The following CLCN7 variants were observed in gnomAD, a reference collection of about 807,000 sequenced individuals.
The protein encoded by CLCN7 is Cl-/H+ antiporter 7.
In CLCN7, 60 loss-of-function variants were observed where a neutral mutation model predicts 102.1. The observed-to-expected ratio is 0.59, with a 90% CI of 0.48 to 0.73. CLCN7 has a LOEUF of 0.73. Ranked by LOEUF, CLCN7 falls within the 30% of genes least tolerant of loss-of-function variation. The probability of loss-of-function intolerance (pLI) is 0.00; values close to 1 mark genes in which losing one functional copy is unlikely to be tolerated. For synonymous variants in CLCN7, 560 were observed against 490.5 expected, an observed-to-expected ratio of 1.14 and a Z score of -1.87; for missense variants, 962 against 1,125.7, an observed-to-expected ratio of 0.85 and a Z score of 2.08.
intron 2 of CLCN7, among the ~76,000 whole-genome samples, chr16:1,462,654 T>C (rs1387357296): frequency 2.0e-5 from 1 of 50,340 alleles, no homozygotes; most frequent in African/African-American, 1.4e-4. Flanking sequence ...CCCCAACTCT[T>C]AAAAAAAAGC....
intron 14 of CLCN7, 86 bp downstream of exon 14, chr16:1,453,748 T>G: frequency 4.7e-6 from 6 of 1,267,478 alleles, no homozygotes; most frequent in South Asian, 2.4e-5. Context: ...GGCCTAGGAG[T>G]GTAAACCCCA....
chr16:1,447,832 C>T (rs1225959927), intron 21 of CLCN7, 118 bp from the exon 22 acceptor site: 51 of 1,159,624 alleles, frequency 4.4e-5, no homozygotes, highest in Non-Finnish European at 5.8e-5. Context: ...GGGCATGGGC[C>T]CCGTGTCGGT....
Position 1,450,653 on chromosome 16 carries a change from G to T in CLCN7, c.1461C>A (p.Pro487=). 1 of 1,610,946 alleles carries T rather than the reference G, an allele frequency of 6.2e-7. No homozygotes were observed. Among genetic ancestry groups the T allele is most frequent in the African/African-American group, 1.3e-5 (1 of 74,996 alleles). Residue 487 remains proline (P), a synonymous_variant, in exon 17 of 25, where the codon CCC becomes CCA. Transcript: ENST00000382745. ...LFHDPPGSYN[P]LTLGLFTLVY... ...CCAGCGTGAACAGGCCGAGGGTCAG[G>T]GGGTTGTAGGAGCCTAGGAGAGAAG...
At chr16:1,458,805 A>T (rs2038879161) in intron 7 of CLCN7, among the ~76,000 whole-genome samples, 1 of 152,256 alleles carries the variant, frequency 6.6e-6, no homozygotes, top group African/African-American at 2.4e-5. Flanking sequence ...ACGGTGAATC[A>T]GTCACCACCA....
At position 1,454,568 on chromosome 16, in the gene CLCN7, G is replaced by A. The variant is rs1023719008; in HGVS notation, c.1099-103C>T. On this transcript the variant is annotated intron_variant, in intron 12 of 24. Transcript: ENST00000382745. ...CCATCTTAAGAGAGCTGTCCCCACA[G>A]AGAGCCTTCCCGCCCTTCCACGCAG... 6 of 1,144,794 alleles carry A rather than the reference G, an allele frequency of 5.2e-6. No homozygotes were observed. The African/African-American group carries it at 7.6e-5, about 15-fold the overall frequency. 70.9% of individuals were successfully genotyped at this position (1,144,794 alleles called of 1,614,324 possible).
At chr16:1,464,994 G>C (rs2038985372) in intron 2 of CLCN7, among the ~76,000 whole-genome samples, 1 of 151,904 alleles carries the variant, frequency 6.6e-6, no homozygotes, top group Admixed American at 6.5e-5. Flanking sequence ...TCCTTGCCCT[G>C]TCCCAAAGCC....
intron 11 of CLCN7, 47 bp downstream of exon 11, chr16:1,455,684 G>C (rs1249439616): frequency 6.3e-7 from 1 of 1,592,288 alleles, no homozygotes; most frequent in South Asian, 1.1e-5. Context: ...GGAAATGAGA[G>C]CGCAGCATGC....
intron 21 of CLCN7, 42 bp from the exon 22 acceptor site, chr16:1,447,756 G>A (rs1596210934): frequency 6.5e-7 from 1 of 1,542,818 alleles, no homozygotes; most frequent in Non-Finnish European, 8.8e-7. Context: ...GCCCGAGGGT[G>A]GGAGGCTGCG....
chr16:1,453,101 A>G (rs931704983), intron 14 of CLCN7, among the ~76,000 whole-genome samples: 2 of 152,090 alleles, frequency 1.3e-5, no homozygotes, highest in African/African-American at 4.8e-5. Context: ...TCCACCTCCC[A>G]GGTTCAAGCA....
At chr16:1,452,669 C>T (rs1225725939) in intron 15 of CLCN7, 86 bp downstream of exon 15, 1 of 1,429,054 alleles carries the variant, frequency 7.0e-7, no homozygotes, top group Non-Finnish European at 9.5e-7. Flanking sequence ...GGTGGGCAGC[C>T]CTCCTCCCGT....
At chr16:1,451,558 T>C in intron 16 of CLCN7, 65 bp downstream of exon 16, 4 of 1,429,116 alleles carry the variant, frequency 2.8e-6, no homozygotes, top group Non-Finnish European at 3.9e-6. Context: ...CAGGGGACAC[T>C]CAGCCAGAAG....
intron 1 of CLCN7, among the ~76,000 whole-genome samples, chr16:1,465,831 G>C (rs1385220488): frequency 6.6e-6 from 1 of 152,162 alleles, no homozygotes; most frequent in Non-Finnish European, 1.5e-5. Context: ...ACGCCCAGCT[G>C]TCAGGCAGAG....
intron 1 of CLCN7, 44 bp from the exon 2 acceptor site, chr16:1,465,382 G>C: frequency 6.5e-7 from 1 of 1,539,676 alleles, no homozygotes; most frequent in Non-Finnish European, 8.9e-7. Flanking sequence ...GGCGTCGCAC[G>C]CTCTGCTCCG....
At chr16:1,453,575 C>T (rs978837350) in intron 14 of CLCN7, among the ~76,000 whole-genome samples, 6 of 152,340 alleles carry the variant, frequency 3.9e-5, no homozygotes, top group East Asian at 1.9e-4. Flanking sequence ...CCCGATCCCA[C>T]GCAGGGCCTC....
At chr16:1,448,629 A>G (rs907822473) in intron 20 of CLCN7, 52 bp downstream of exon 20, 2 of 1,607,842 alleles carry the variant, frequency 1.2e-6, no homozygotes, top group African/African-American at 1.3e-5. Flanking sequence ...CCCCTGTGCA[A>G]CAAGAGGCCG....
At chr16:1,472,151 A>G (rs76020130) in intron 1 of CLCN7, among the ~76,000 whole-genome samples, 1 of 152,258 alleles carries the variant, frequency 6.6e-6, no homozygotes, top group Non-Finnish European at 1.5e-5. Flanking sequence ...ACGATAAACT[A>G]TTTTTTAAAT....
At chr16:1,447,114 C>T (rs1360873881) in intron 23 of CLCN7, 28 bp from the exon 24 acceptor site, 3 of 1,572,620 alleles carry the variant, frequency 1.9e-6, no homozygotes, top group Admixed American at 1.8e-5. Context: ...CTGTCAGTGC[C>T]CGCCCACACA....
chr16:1,456,467 C>A (rs768457601), intron 9 of CLCN7, among the ~76,000 whole-genome samples: 1 of 152,222 alleles, frequency 6.6e-6, no homozygotes, highest in East Asian at 1.9e-4. Flanking sequence ...ATTCCAAAAA[C>A]CTCTACCCTC....
rs753172781 is a variant in CLCN7, at chr16:1,449,058, T to C, written c.1705A>G (p.Ile569Val). 3.0e-5 allele frequency: 49 copies of C among 1,612,736 alleles called. No homozygotes were observed. The highest frequency in any genetic ancestry group is 5.0e-5 in the Admixed American group (3 of 60,004). Residue 569 changes from isoleucine to valine, a missense_variant, in exon 19 of 25, where the codon ATC becomes GTC. By Grantham distance (29) the Ile-to-Val change is conservative (BLOSUM62 3). Transcript: ENST00000382745. The stretch of plus-strand genomic sequence containing the variant: ...ACGTTGCTGGTGGCCTCCATCATGA[T>C]GACGGTCAGGCTCAGTGTCATCCGC... ...IVRMTLSLTV[I>V]MMEATSNVTY...
Sources: allele counts gnomAD v4.1 joint callset (sites outside exome capture counted in the v4.1 genomes callset), GRCh38; gene constraint gnomAD v4.1.1; transcripts MANE v1.5; gene names NCBI Gene and HGNC (gene_info 2026-07-23, HGNC 2026-07-21).